The following ABLIM1 variants were observed in gnomAD, a reference collection of about 807,000 sequenced individuals.
ABLIM1 encodes the protein actin binding LIM protein 1.
A neutral mutation model predicts 107.0 loss-of-function variants in ABLIM1; 40 were observed. The ratio of observed to expected loss-of-function variants is 0.37; its 90% CI spans 0.29 to 0.49. The LOEUF (loss-of-function observed/expected upper bound fraction) is 0.49, where lower values mean the gene tolerates loss of function less well. Among genes scored for constraint, ABLIM1 ranks in the 20% least tolerant of loss-of-function variants. ABLIM1 has a pLI of 0.97. For missense variants in ABLIM1, 857 were observed against 1,008.5 expected (o/e 0.85, Z 2.04); for synonymous variants, 357 against 357.3 (o/e 1.00, Z 0.01).
chr10:114,459,557 CTTTT>C (rs11357358), intron 12 of ABLIM1, among the ~76,000 whole-genome samples: 1 of 148,902 alleles, frequency 6.7e-6, no homozygotes, highest in Non-Finnish European at 1.5e-5. Flanking sequence ...CACCACATAT[CTTTT>C]TTTTTTTTTA....
chr10:114,758,969 T>A (rs1011739303), intron 1 of ABLIM1, among the ~76,000 whole-genome samples: 4 of 152,100 alleles, frequency 2.6e-5, no homozygotes, highest in Non-Finnish European at 5.9e-5. Context: ...ATATGAATAA[T>A]AATAATTATG....
chr10:114,735,665 T>C, intron 1 of ABLIM1, among the ~76,000 whole-genome samples: 1 of 152,222 alleles, frequency 6.6e-6, no homozygotes, highest in Non-Finnish European at 1.5e-5. Flanking sequence ...AGACAGGGTT[T>C]CACCATGTTG....
upstream of ABLIM1, among the ~76,000 whole-genome samples, chr10:114,689,487 G>T (rs144201320): frequency 6.7e-6 from 1 of 148,774 alleles, no homozygotes; most frequent in South Asian, 2.2e-4. Context: ...TCAGCCTCCC[G>T]AGTAGCTGGG....
chr10:114,487,955 T>C lies in ABLIM1; in HGVS notation c.1041+3A>G, dbSNP rs2058424448. ...TGGCATCATGTTTTAATTGTGTCCTTACCCGCAGCTTTTCCTCGGTCTTCG... is the reference window on the plus strand; with the variant it reads ...TGGCATCATGTTTTAATTGTGTCCTCACCCGCAGCTTTTCCTCGGTCTTCG... On this transcript the variant is annotated splice_donor_region_variant and intron_variant, in intron 8 of 22. Coordinates refer to ENST00000533213, the MANE Select transcript of ABLIM1 (RefSeq NM_002313.7). 1.2e-6 allele frequency: 2 copies of C among 1,614,068 alleles called. No individual in the cohort carries two copies. Among genetic ancestry groups the C allele is most frequent in the Non-Finnish European group, 8.5e-7 (1 of 1,180,018 alleles).
chr10:114,774,422 C>T, the ABLIM1 span, among the ~76,000 whole-genome samples: 4 of 152,052 alleles, frequency 2.6e-5, no homozygotes, highest in East Asian at 1.9e-4. Flanking sequence ...AGCATGGTCC[C>T]GAGAGGCCAT....
At chr10:114,471,466 G>T (rs1442299466) in intron 10 of ABLIM1, among the ~76,000 whole-genome samples, 2 of 152,140 alleles carry the variant, frequency 1.3e-5, no homozygotes, top group Non-Finnish European at 2.9e-5. Flanking sequence ...ACGAAACTCT[G>T]TGGGGTTCAA....
At chr10:114,722,763 A>G (rs1004813257) in intron 1 of ABLIM1, among the ~76,000 whole-genome samples, 4 of 152,260 alleles carry the variant, frequency 2.6e-5, no homozygotes, top group Non-Finnish European at 5.9e-5. Context: ...ATGCAGAGCC[A>G]TGAGTGCTGC....
chr10:114,510,281 G>A (rs185235839), intron 6 of ABLIM1, among the ~76,000 whole-genome samples: 2 of 152,290 alleles, frequency 1.3e-5, no homozygotes, highest in Admixed American at 1.3e-4. Flanking sequence ...TGATTGCAAG[G>A]TGTAGCCCAG....
At chr10:114,699,241 GC>G (rs2081260555) in intron 1 of ABLIM1, among the ~76,000 whole-genome samples, 2 of 151,934 alleles carry the variant, frequency 1.3e-5, no homozygotes, top group Admixed American at 1.3e-4. Flanking sequence ...TTGGAAAAGG[GC>G]CCTTGGATGA....
intron 8 of ABLIM1, among the ~76,000 whole-genome samples, chr10:114,480,887 G>C (rs2057264524): frequency 6.6e-6 from 1 of 152,148 alleles, no homozygotes; most frequent in Non-Finnish European, 1.5e-5. Flanking sequence ...CTCATTAGAA[G>C]ACTAGCAGTT....
At chr10:114,500,146 T>C (rs1040415493) in intron 6 of ABLIM1, among the ~76,000 whole-genome samples, 7 of 152,230 alleles carry the variant, frequency 4.6e-5, no homozygotes, top group Admixed American at 3.3e-4. Context: ...ACAGCCTTAC[T>C]AACTGCGAGG....
chr10:114,654,322 C>G (rs908694749), intron 1 of ABLIM1, among the ~76,000 whole-genome samples: 2 of 152,142 alleles, frequency 1.3e-5, no homozygotes, highest in East Asian at 1.9e-4. Context: ...TATTTTAATT[C>G]AGCCTCCATA....
At chr10:114,799,105 T>C in the ABLIM1 span, among the ~76,000 whole-genome samples, 2 of 152,196 alleles carry the variant, frequency 1.3e-5, no homozygotes, top group Non-Finnish European at 2.9e-5. Context: ...GCCAGTACAG[T>C]ATACATTAAG....
intron 2 of ABLIM1, among the ~76,000 whole-genome samples, chr10:114,593,561 G>C (rs2075127733): frequency 6.6e-6 from 1 of 152,168 alleles, no homozygotes; most frequent in Non-Finnish European, 1.5e-5. Context: ...CTTGTATAAT[G>C]AGTTGCAAGA....
At chr10:114,626,071 A>G (rs761039937) in intron 1 of ABLIM1, among the ~76,000 whole-genome samples, 6 of 152,240 alleles carry the variant, frequency 3.9e-5, no homozygotes, top group African/African-American at 7.2e-5. Flanking sequence ...CCGCATGACA[A>G]GCAGGAAGCT....
At chr10:114,500,167 C>T (rs917478039) in intron 6 of ABLIM1, among the ~76,000 whole-genome samples, 1 of 152,194 alleles carries the variant, frequency 6.6e-6, no homozygotes, top group African/African-American at 2.4e-5. Context: ...CTTCTGAGCT[C>T]ACAAACACTG....
rs181763007 is a variant in ABLIM1 at position 114,436,250 on chromosome 10, C to T, written c.*10G>A. On this transcript the variant is annotated 3_prime_UTR_variant, in exon 23 of 23. Transcript: ENST00000533213. ...CAGTCCTTTCTCTAATTGCCATTCACGAGTGGGACTTAGAAGAGTTTTGCT... is the reference window on the plus strand; with the variant it reads ...CAGTCCTTTCTCTAATTGCCATTCATGAGTGGGACTTAGAAGAGTTTTGCT... 119 of 1,603,204 alleles carry T rather than the reference C, an allele frequency of 7.4e-5. No homozygotes were observed. The East Asian group carries it at 2.1e-3, about 29-fold the overall frequency.
chr10:114,493,385 A>T (rs1369594842), intron 6 of ABLIM1, among the ~76,000 whole-genome samples: 1 of 152,244 alleles, frequency 6.6e-6, no homozygotes, highest in East Asian at 1.9e-4. Flanking sequence ...ACCTCCTGGT[A>T]AGCTACAAAT....
chr10:114,542,323 T>C (rs1410516836), intron 6 of ABLIM1, among the ~76,000 whole-genome samples: 6 of 149,014 alleles, frequency 4.0e-5, no homozygotes, highest in African/African-American at 1.2e-4. Flanking sequence ...TGCAGAAAGA[T>C]AGCTTGAGCC....
Sources: allele counts gnomAD v4.1 joint callset (sites outside exome capture counted in the v4.1 genomes callset), GRCh38; gene constraint gnomAD v4.1.1; transcripts MANE v1.5; gene names NCBI Gene and HGNC (gene_info 2026-07-23, HGNC 2026-07-21).